TSGA10: variants seen among roughly 807,000 people sequenced by gnomAD.
The protein encoded by TSGA10 is testis-specific gene 10 protein.
Under a neutral mutation model 96.6 loss-of-function variants are expected in TSGA10, and 43 were observed. The observed-to-expected ratio is 0.44, with a 90% CI of 0.35 to 0.57. The LOEUF is 0.57. Among genes scored for constraint, TSGA10 ranks in the 20% least tolerant of loss-of-function variants. The pLI is 0.01. For synonymous variants in TSGA10, 229 were observed against 269.9 expected (o/e 0.85, Z 1.48); for missense variants, 703 against 834.4 (o/e 0.84, Z 1.94).
intron 10 of TSGA10, among the ~76,000 whole-genome samples, chr2:99,092,697 T>G (rs2089496818): frequency 6.6e-6 from 1 of 151,952 alleles, no homozygotes; most frequent in Non-Finnish European, 1.5e-5. Context: ...TTCCTGGAAA[T>G]ATACAACCCT....
chr2:99,079,605 G>C (rs930456522), intron 11 of TSGA10, among the ~76,000 whole-genome samples: 3 of 152,126 alleles, frequency 2.0e-5, no homozygotes, highest in Admixed American at 2.0e-4. Flanking sequence ...TCGTCTAGAG[G>C]AGTTTACCTA....
At chr2:99,016,136 G>T (rs1040998581) in intron 20 of TSGA10, among the ~76,000 whole-genome samples, 4 of 152,116 alleles carry the variant, frequency 2.6e-5, no homozygotes, top group Non-Finnish European at 1.5e-5. Context: ...ATTCTTCACA[G>T]AACTAGGAAA....
At chr2:99,108,523 G>T (rs1453732277) in intron 7 of TSGA10, among the ~76,000 whole-genome samples, 1 of 151,988 alleles carries the variant, frequency 6.6e-6, no homozygotes, top group Non-Finnish European at 1.5e-5. Flanking sequence ...GTCAGGATTT[G>T]ATCTTTTTAC....
At position 99,154,853 on chromosome 2, in the gene TSGA10, C is replaced by A. The variant is rs546961122; in HGVS notation, c.-781G>T. On this transcript the variant is annotated 5_prime_UTR_variant, in exon 1 of 21. Coordinates refer to ENST00000393483, the MANE Select transcript of TSGA10 (RefSeq NM_025244.4). ...GACCCTTACTTAGCACTCCTGCGGG[C>A]TGCCGGGACCCCACGGCTCCGCAGG... 5 of 348,676 alleles carry A rather than the reference C, an allele frequency of 1.4e-5. No individual in the cohort carries two copies. The highest frequency in any genetic ancestry group is 1.2e-4 in the Admixed American group (3 of 25,548). 21.6% of individuals were successfully genotyped at this position (348,676 alleles called of 1,614,324 possible).
chr2:99,131,366 A>G (rs7604557), intron 1 of TSGA10, among the ~76,000 whole-genome samples: 88,190 of 151,776 alleles, frequency 0.58, 26,472 homozygotes, highest in East Asian at 0.88. Flanking sequence ...ATTCCTAGGT[A>G]TGTTATTATT....
intron 17 of TSGA10, among the ~76,000 whole-genome samples, chr2:99,021,172 G>A (rs1442197401): frequency 2.6e-5 from 4 of 151,554 alleles, no homozygotes; most frequent in Admixed American, 2.6e-4. Flanking sequence ...GCATTTAAAA[G>A]TTAAATTTGA....
chr2:99,045,458 G>C (rs553431300), intron 16 of TSGA10, among the ~76,000 whole-genome samples: 6 of 152,208 alleles, frequency 3.9e-5, no homozygotes, highest in Middle Eastern at 3.4e-3. Flanking sequence ...AATTTTCAAC[G>C]CAGAATTTCA....
intron 16 of TSGA10, among the ~76,000 whole-genome samples, chr2:99,047,781 G>A (rs1392765642): frequency 6.6e-6 from 1 of 152,160 alleles, no homozygotes; most frequent in African/African-American, 2.4e-5. Context: ...AAGTCAAATT[G>A]TCCCTGTTTG....
chr2:99,063,173 A>G (rs1030362130), intron 16 of TSGA10, among the ~76,000 whole-genome samples: 2 of 152,226 alleles, frequency 1.3e-5, no homozygotes, highest in African/African-American at 2.4e-5. Context: ...AATAAAAATT[A>G]TATGTCTACT....
chr2:99,043,632 G>A (rs868862492), intron 16 of TSGA10, among the ~76,000 whole-genome samples: 2 of 152,270 alleles, frequency 1.3e-5, no homozygotes, highest in South Asian at 4.1e-4. Flanking sequence ...AAAGCAGCAA[G>A]GGAAAAATGG....
At chr2:99,135,819 G>A (rs948205311) in intron 1 of TSGA10, among the ~76,000 whole-genome samples, 2 of 152,114 alleles carry the variant, frequency 1.3e-5, no homozygotes, top group Non-Finnish European at 2.9e-5. Context: ...GACCCACCTG[G>A]CCAACATGGT....
At chr2:99,077,723 A>G (rs1295237092) in intron 12 of TSGA10, among the ~76,000 whole-genome samples, 3 of 151,742 alleles carry the variant, frequency 2.0e-5, no homozygotes, top group African/African-American at 7.3e-5. Flanking sequence ...CACCACGCCC[A>G]GCTAATTTTT....
At chr2:99,021,492 TA>T (rs964183172) in intron 17 of TSGA10, among the ~76,000 whole-genome samples, 21 of 152,116 alleles carry the variant, frequency 1.4e-4, no homozygotes, top group African/African-American at 5.1e-4. Context: ...GAAATACAAG[TA>T]AATTATAAAC....
chr2:99,115,275 T>G (rs1339136332), intron 4 of TSGA10, among the ~76,000 whole-genome samples: 1 of 152,018 alleles, frequency 6.6e-6, no homozygotes, highest in African/African-American at 2.4e-5. Context: ...GGAAATCAAT[T>G]TACCATTAAA....
chr2:99,012,722 C>T (rs2079106324), intron 20 of TSGA10, among the ~76,000 whole-genome samples: 1 of 152,068 alleles, frequency 6.6e-6, no homozygotes. Flanking sequence ...CACAGCAACA[C>T]AATAATAGTG....
At chr2:99,116,735 A>T (rs1035169639) in intron 4 of TSGA10, among the ~76,000 whole-genome samples, 3 of 152,210 alleles carry the variant, frequency 2.0e-5, no homozygotes, top group Admixed American at 6.5e-5. Flanking sequence ...GTTAAAAAAA[A>T]GTTTTAAATT....
intron 10 of TSGA10, among the ~76,000 whole-genome samples, chr2:99,088,878 A>G (rs1426514567): frequency 6.6e-6 from 1 of 152,224 alleles, no homozygotes; most frequent in East Asian, 1.9e-4. Context: ...TGTGGTGGGG[A>G]AAATGGCAGA....
chr2:99,076,997 G>A (rs1373759118), intron 12 of TSGA10, among the ~76,000 whole-genome samples: 1 of 151,904 alleles, frequency 6.6e-6, no homozygotes, highest in Non-Finnish European at 1.5e-5. Context: ...GGCTGAATCA[G>A]GTGTGTTTTT....
chr2:99,034,107 T>A (rs186714585), intron 17 of TSGA10, among the ~76,000 whole-genome samples: 23 of 152,220 alleles, frequency 1.5e-4, no homozygotes, highest in Middle Eastern at 6.8e-3. Context: ...TAGAAGAGGA[T>A]CAACTGCTTG....
Sources: allele counts gnomAD v4.1 joint callset (sites outside exome capture counted in the v4.1 genomes callset), GRCh38; gene constraint gnomAD v4.1.1; transcripts MANE v1.5; gene names NCBI Gene and HGNC (gene_info 2026-07-23, HGNC 2026-07-21).